RIMS2: variants seen among roughly 807,000 people sequenced by gnomAD.
RIMS2 encodes the protein regulating synaptic membrane exocytosis protein 2.
RIMS2 carries 59 observed loss-of-function variants against 174.4 expected under a neutral mutation model. That is an observed-to-expected ratio of 0.34 (90% CI 0.27 to 0.42). The LOEUF (loss-of-function observed/expected upper bound fraction) is 0.42, where lower values mean the gene tolerates loss of function less well. Among genes scored for constraint, RIMS2 ranks in the 10% least tolerant of loss-of-function variants. RIMS2 has a pLI of 1.00. For missense variants in RIMS2, 1,620 were observed against 1,666.3 expected, an observed-to-expected ratio of 0.97 and a Z score of 0.48; for synonymous variants, 606 against 572.5, an observed-to-expected ratio of 1.06 and a Z score of -0.84.
chr8:103,716,061 A>G (rs1259397191), intron 2 of RIMS2, among the ~76,000 whole-genome samples: 3 of 151,920 alleles, frequency 2.0e-5, no homozygotes, highest in African/African-American at 7.2e-5. Context: ...ATATCTTAAT[A>G]TATTCTCTTA....
chr8:104,134,763 A>G (rs1355340758), intron 19 of RIMS2, among the ~76,000 whole-genome samples: 1 of 152,214 alleles, frequency 6.6e-6, no homozygotes, highest in East Asian at 1.9e-4. Context: ...AAAACAAGTT[A>G]TCCATTTGTA....
At chr8:103,708,671 T>C (rs1207785961) in intron 2 of RIMS2, among the ~76,000 whole-genome samples, 1 of 152,190 alleles carries the variant, frequency 6.6e-6, no homozygotes, top group Admixed American at 6.5e-5. Flanking sequence ...ACTGTTTCCA[T>C]TGAGAAATAT....
chr8:103,688,300 T>A (rs1590351973), intron 1 of RIMS2, among the ~76,000 whole-genome samples: 1 of 152,128 alleles, frequency 6.6e-6, no homozygotes, highest in East Asian at 1.9e-4. Context: ...TTATTTATCA[T>A]GAAAGGATAT....
intron 14 of RIMS2, among the ~76,000 whole-genome samples, chr8:103,952,306 C>G (rs1213920088): frequency 6.6e-6 from 1 of 152,166 alleles, no homozygotes; most frequent in Non-Finnish European, 1.5e-5. Context: ...CCCCATGTAT[C>G]CTGACTAGGA....
chr8:103,725,286 A>G (rs1215359096), intron 2 of RIMS2, among the ~76,000 whole-genome samples: 2 of 152,162 alleles, frequency 1.3e-5, no homozygotes, highest in African/African-American at 2.4e-5. Flanking sequence ...TAGTTTGACA[A>G]ATTTTGAAAG....
intron 15 of RIMS2, among the ~76,000 whole-genome samples, chr8:103,973,068 G>C (rs2093058018): frequency 6.6e-6 from 1 of 152,116 alleles, no homozygotes; most frequent in Non-Finnish European, 1.5e-5. Flanking sequence ...AGTTTTGTAA[G>C]AACAATTAAT....
chr8:103,876,868 A>ATT (rs2099141276), intron 3 of RIMS2, among the ~76,000 whole-genome samples: 1 of 18,428 alleles, frequency 5.4e-5, no homozygotes, highest in Non-Finnish European at 1.1e-4. Context: ...ACTATTTTAT[A>ATT]TATATATATA....
At chr8:103,677,272 AG>A (rs970724903) in intron 1 of RIMS2, among the ~76,000 whole-genome samples, 14 of 152,072 alleles carry the variant, frequency 9.2e-5, no homozygotes, top group Admixed American at 5.2e-4. Flanking sequence ...AAAGAAACAA[AG>A]GGGATGGTAC....
At chr8:103,857,900 A>G (rs574107321) in intron 3 of RIMS2, among the ~76,000 whole-genome samples, 1 of 152,266 alleles carries the variant, frequency 6.6e-6, no homozygotes, top group Non-Finnish European at 1.5e-5. Context: ...ATTCTGGACA[A>G]AGAGTATGTT....
intron 5 of RIMS2, 130 bp downstream of exon 8, chr8:103,910,659 C>A (rs1329493424): frequency 7.6e-6 from 4 of 529,612 alleles, no homozygotes; most frequent in African/African-American, 5.7e-5. Flanking sequence ...TCTTAAGGTG[C>A]AGAAAAGAAA....
intron 1 of RIMS2, among the ~76,000 whole-genome samples, chr8:103,559,896 C>T (rs543443472): frequency 6.6e-6 from 1 of 152,228 alleles, no homozygotes; most frequent in Non-Finnish European, 1.5e-5. Flanking sequence ...GCTCCTATTC[C>T]CACAGGATGA....
At chr8:103,584,214 T>C (rs1436257751) in intron 1 of RIMS2, among the ~76,000 whole-genome samples, 1 of 152,180 alleles carries the variant, frequency 6.6e-6, no homozygotes. Context: ...GGAAAAACAC[T>C]TTTATTGTAG....
chr8:104,221,041 G>C (rs2099152469), intron 19 of RIMS2, among the ~76,000 whole-genome samples: 1 of 152,194 alleles, frequency 6.6e-6, no homozygotes, highest in African/African-American at 2.4e-5. Flanking sequence ...AGGAGAGTCT[G>C]ACTGGTTGGT....
At chr8:104,148,953 T>C in intron 19 of RIMS2, 105 bp downstream of exon 25, 2 of 1,184,704 alleles carry the variant, frequency 1.7e-6, no homozygotes, top group Admixed American at 4.2e-5. Flanking sequence ...GATGATGACA[T>C]GTTCCAGAGG....
chr8:104,145,082 C>A (rs2098622578), intron 19 of RIMS2, among the ~76,000 whole-genome samples: 1 of 152,098 alleles, frequency 6.6e-6, no homozygotes, highest in Admixed American at 6.5e-5. Context: ...ATTTAAACAT[C>A]CACTGTTGTT....
chr8:104,215,972 A>T (rs1375630183), intron 19 of RIMS2, among the ~76,000 whole-genome samples: 4 of 152,200 alleles, frequency 2.6e-5, no homozygotes, highest in African/African-American at 9.7e-5. Flanking sequence ...TGCCTACCAA[A>T]CATCCTTCAA....
chr8:104,072,192 A>C (rs891679353), intron 19 of RIMS2, among the ~76,000 whole-genome samples: 3 of 152,176 alleles, frequency 2.0e-5, no homozygotes, highest in African/African-American at 7.2e-5. Flanking sequence ...GATATGTCAA[A>C]GAGAAAGTTA....
chr8:104,251,450 A>G (rs918142462), intron 23 of RIMS2, 152 bp from the exon 30 acceptor site: 1 of 620,312 alleles, frequency 1.6e-6, no homozygotes, highest in Non-Finnish European at 2.9e-6. Flanking sequence ...AGATACCACT[A>G]GTTAAAGACA....
chr8:103,998,106 A>T, intron 17 of RIMS2: 2 of 1,102,282 alleles, frequency 1.8e-6, no homozygotes, highest in Non-Finnish European at 2.7e-6. Flanking sequence ...TTAAAATCTC[A>T]CTTTTTAAAT....
Sources: gnomAD v4.1 joint callset for allele counts (sites outside exome capture counted in the v4.1 genomes callset) on GRCh38, gnomAD v4.1.1 for gene constraint, MANE v1.5 for transcripts, NCBI Gene and HGNC (gene_info 2026-07-23, HGNC 2026-07-21) for gene names.